SLC19A1: variants seen among roughly 807,000 people sequenced by gnomAD.
The protein encoded by SLC19A1 is reduced folate transporter.
In SLC19A1, 37 loss-of-function variants were observed where a neutral mutation model predicts 35.3. The observed-to-expected ratio is 1.05, with a 90% CI of 0.81 to 1.38. SLC19A1 has a LOEUF of 1.38. SLC19A1 is among the 40% of genes most tolerant of loss of function. SLC19A1 has a pLI of 0.00. For synonymous variants in SLC19A1, 460 were observed against 398.5 expected (o/e 1.15, Z -1.84); for missense variants, 831 against 826.9 (o/e 1.00, Z -0.06).
intron 5 of SLC19A1, among the ~76,000 whole-genome samples, chr21:45,516,541 G>A (rs2037954818): frequency 6.6e-6 from 1 of 152,226 alleles, no homozygotes; most frequent in Non-Finnish European, 1.5e-5. Flanking sequence ...GAGAGCCACA[G>A]CAGGTGACCA....
At chr21:45,516,727 C>T (rs1414475699) in intron 5 of SLC19A1, among the ~76,000 whole-genome samples, 2 of 152,142 alleles carry the variant, frequency 1.3e-5, no homozygotes, top group Admixed American at 1.3e-4. Context: ...TGGAGATGTC[C>T]CTGGGACACC....
intron 1 of SLC19A1, among the ~76,000 whole-genome samples, chr21:45,556,247 G>A (rs546995798): frequency 2.0e-4 from 30 of 152,306 alleles, no homozygotes; most frequent in African/African-American, 7.2e-4. Context: ...AGACTCCTAA[G>A]CTGAGCACGT....
rs146660732 is a variant in SLC19A1 at position 45,514,861 on chromosome 21, C to G, written c.*797G>C. 3.8e-6 allele frequency: 3 copies of G among 790,040 alleles called. No homozygotes were observed. The highest frequency in any genetic ancestry group is 1.8e-5 in the African/African-American group (1 of 55,044). 48.9% of individuals were successfully genotyped at this position (790,040 alleles called of 1,614,324 possible). A position where few individuals can be genotyped will look rare whatever the true frequency, so the allele number is the denominator to read the frequency against. On this transcript the variant is annotated 3_prime_UTR_variant, in exon 6 of 6. Transcript: ENST00000311124. ...GCGCCCACCACAAAGGCAGCCCCCCCAAGGCTGCCCAGCCCAGGCAAGCCT... is the reference window on the plus strand; with the variant it reads ...GCGCCCACCACAAAGGCAGCCCCCCGAAGGCTGCCCAGCCCAGGCAAGCCT...
chr21:45,504,029 T>C (rs1375755356), intron 3 of SLC19A1: 1 of 1,610,688 alleles, frequency 6.2e-7, no homozygotes, highest in Non-Finnish European at 8.5e-7. Context: ...CCGTTTGACT[T>C]TCTTCAGTTG....
chr21:45,508,794 G>A (rs541458034), downstream of SLC19A1, among the ~76,000 whole-genome samples: 1 of 152,146 alleles, frequency 6.6e-6, no homozygotes, highest in East Asian at 1.9e-4. Flanking sequence ...TATTGCCCTG[G>A]GTAACACACA....
At chr21:45,541,531 C>T (rs772703567) in intron 1 of SLC19A1, among the ~76,000 whole-genome samples, 1 of 152,258 alleles carries the variant, frequency 6.6e-6, no homozygotes, top group Non-Finnish European at 1.5e-5. Context: ...GCCAGACTCC[C>T]CAGGACAGGA....
At chr21:45,554,728 C>T (rs1248421244) in intron 1 of SLC19A1, among the ~76,000 whole-genome samples, 1 of 151,062 alleles carries the variant, frequency 6.6e-6, no homozygotes, top group African/African-American at 2.4e-5. Context: ...CATCTCCTTC[C>T]GCTTGGCTGT....
downstream of SLC19A1, chr21:45,509,990 G>C (rs889934982): frequency 2.0e-6 from 3 of 1,491,200 alleles, no homozygotes; most frequent in South Asian, 2.4e-5. Context: ...GTGCGGGGCC[G>C]GGGTGGTGCG....
rs1364437777 is a variant in SLC19A1, at chr21:45,513,094, A to C, written c.*2564T>G. 6.5e-6 allele frequency: 1 copy of C among 154,510 alleles called. No individual in the cohort carries two copies. Among genetic ancestry groups the C allele is most frequent in the African/African-American group, 2.4e-5 (1 of 41,456 alleles). 9.6% of individuals were successfully genotyped at this position (154,510 alleles called of 1,614,324 possible). The stretch of plus-strand genomic sequence containing the variant: ...GGGCTGGCCTCCCAAATGAGCCATG[A>C]GATGATACATCCAAAGCAGACAGCT... On this transcript the variant is annotated 3_prime_UTR_variant, in exon 6 of 6. Transcript: ENST00000311124.
rs76746578 is a variant in SLC19A1, at chr21:45,538,127, C to T, written c.-49-119G>A. ...TCAGGACCAAACGCCACCCTGGAGACGAATGCAGACCCCAGACCCATCCTC... is the reference window on the plus strand; with the variant it reads ...TCAGGACCAAACGCCACCCTGGAGATGAATGCAGACCCCAGACCCATCCTC... On this transcript the variant is annotated intron_variant, in intron 1 of 5. Transcript: ENST00000311124. 1,964 of 573,600 alleles carry T rather than the reference C, an allele frequency of 3.4e-3. 5 individuals are homozygous for T. Among genetic ancestry groups the T allele is most frequent in the Non-Finnish European group, 5.0e-3 (1,650 of 332,554 alleles). 35.5% of individuals were successfully genotyped at this position (573,600 alleles called of 1,614,324 possible). A position where few individuals can be genotyped will look rare whatever the true frequency, so the allele number is the denominator to read the frequency against.
At chr21:45,523,227 G>C (rs902636848) in intron 5 of SLC19A1, among the ~76,000 whole-genome samples, 3 of 152,128 alleles carry the variant, frequency 2.0e-5, no homozygotes, top group Admixed American at 2.0e-4. Flanking sequence ...TAACAGGCAC[G>C]GGGGCAAGAT....
At position 45,504,523 on chromosome 21, in the gene SLC19A1, CCCCCCA is replaced by C. The variant is rs746197837; in HGVS notation, c.498-5917_498-5912del. On this transcript the variant is annotated intron_variant, in intron 3 of 4. Transcript: ENST00000417954. Reference sequence around the variant, plus strand: ...TGCCCGGCCCCCCCGGCCCCCCAGGCCCCCCAGGCCCACGTGGCTACCCTGGGATTC... The same window carrying C: ...TGCCCGGCCCCCCCGGCCCCCCAGGCGGCCCACGTGGCTACCCTGGGATTC... 1.3e-3 allele frequency: 1,958 copies of C among 1,510,766 alleles called. 1 individual carries two copies. Among genetic ancestry groups the C allele is most frequent in the Non-Finnish European group, 1.6e-3 (1,803 of 1,106,264 alleles). 93.6% of individuals were successfully genotyped at this position (1,510,766 alleles called of 1,614,324 possible).
intron 3 of SLC19A1, chr21:45,504,150 C>T (rs1049313556): frequency 3.9e-5 from 55 of 1,410,880 alleles, no homozygotes; most frequent in Admixed American, 3.4e-5. Context: ...GCCCAAGCCC[C>T]CTTCCTGTTC....
At chr21:45,521,464 T>C (rs1200520888) in intron 5 of SLC19A1, among the ~76,000 whole-genome samples, 7 of 152,224 alleles carry the variant, frequency 4.6e-5, no homozygotes, top group African/African-American at 1.2e-4. Flanking sequence ...ACTGGCTTAA[T>C]TGCAATTCCT....
At chr21:45,507,610 C>T, downstream of SLC19A1, 5 of 1,611,824 alleles carry the variant, frequency 3.1e-6, no homozygotes, top group Non-Finnish European at 4.2e-6. Flanking sequence ...AGCCTTTTTT[C>T]TGTTGAGACT....
At chr21:45,504,897 C>CT (rs1188387643) in intron 3 of SLC19A1, among the ~76,000 whole-genome samples, 3 of 143,070 alleles carry the variant, frequency 2.1e-5, no homozygotes, top group Non-Finnish European at 4.5e-5. Context: ...CCAGCTACTG[C>CT]CTGGGGGCCC....
chr21:45,509,952 C>G (rs917816793), downstream of SLC19A1: 3 of 1,255,858 alleles, frequency 2.4e-6, no homozygotes, highest in African/African-American at 1.5e-5. Flanking sequence ...TCCCGCTCAG[C>G]GCCCCTCGGC....
intron 1 of SLC19A1, among the ~76,000 whole-genome samples, chr21:45,541,044 T>C (rs1240253858): frequency 1.5e-5 from 2 of 137,594 alleles, no homozygotes; most frequent in South Asian, 4.8e-4. Flanking sequence ...AAGAAAGCAT[T>C]GCACACCCTC....
chr21:45,537,936 C>A lies in SLC19A1; in HGVS notation c.24G>T (p.Val8=). Residue 8 remains valine (V), a synonymous_variant, in exon 2 of 6, where the codon GTG becomes GTT. Coordinates refer to ENST00000311124, the MANE Select transcript of SLC19A1 (RefSeq NM_194255.4). ...CAGGTTCCACGGGCACCTGCTTCTC[C>A]ACCGCTGGGCTGGAGGGCACCATCC... MVPSSPA[V]EKQVPVEPGP... The A allele has an allele frequency of 6.3e-7, 1 of 1,580,934 alleles. No individual in the cohort carries two copies. Among genetic ancestry groups the A allele is most frequent in the Non-Finnish European group, 8.6e-7 (1 of 1,168,138 alleles).
Sources: gnomAD v4.1 joint callset for allele counts (sites outside exome capture counted in the v4.1 genomes callset) on GRCh38, gnomAD v4.1.1 for gene constraint, MANE v1.5 for transcripts, NCBI Gene and HGNC (gene_info 2026-07-23, HGNC 2026-07-21) for gene names.